The following RIMS2 variants were observed in gnomAD, a reference collection of about 807,000 sequenced individuals.
RIMS2 encodes regulating synaptic membrane exocytosis protein 2.
RIMS2 carries 59 observed loss-of-function variants against 174.4 expected under a neutral mutation model. The ratio of observed to expected loss-of-function variants is 0.34; its 90% CI spans 0.27 to 0.42. RIMS2 has a LOEUF of 0.42. Ranked by LOEUF, RIMS2 falls within the 10% of genes least tolerant of loss-of-function variation. The probability of loss-of-function intolerance (pLI) is 1.00; values close to 1 mark genes in which losing one functional copy is unlikely to be tolerated. For synonymous variants in RIMS2, 606 were observed against 572.5 expected (o/e 1.06, Z -0.84); for missense variants, 1,620 against 1,666.3 (o/e 0.97, Z 0.48).
At chr8:103,680,043 T>A (rs1272919871) in intron 1 of RIMS2, among the ~76,000 whole-genome samples, 1 of 152,054 alleles carries the variant, frequency 6.6e-6, no homozygotes, top group Non-Finnish European at 1.5e-5. Flanking sequence ...TGTCTGGTGC[T>A]TTACAGAAAA....
At chr8:103,865,353 C>T (rs1594125013) in intron 3 of RIMS2, among the ~76,000 whole-genome samples, 1 of 139,068 alleles carries the variant, frequency 7.2e-6, no homozygotes, top group Non-Finnish European at 1.5e-5. Flanking sequence ...GGCATGATCT[C>T]GGATCACTGC....
chr8:104,140,644 T>G (rs77103243), intron 19 of RIMS2, among the ~76,000 whole-genome samples: 3,016 of 152,266 alleles, frequency 0.02, 140 homozygotes, highest in East Asian at 0.15. Context: ...AAAAATGTAT[T>G]CTTCCTTTTT....
chr8:103,549,212 G>A (rs928582244), intron 1 of RIMS2, among the ~76,000 whole-genome samples: 1 of 152,040 alleles, frequency 6.6e-6, no homozygotes, highest in Non-Finnish European at 1.5e-5. Flanking sequence ...ATTAAGGGCA[G>A]CCAGAGAGAA....
chr8:104,130,112 G>A (rs971408267), intron 19 of RIMS2, among the ~76,000 whole-genome samples: 4 of 152,046 alleles, frequency 2.6e-5, no homozygotes, highest in African/African-American at 7.3e-5. Context: ...TAAGTGCCAC[G>A]TATCAGGTAG....
intron 19 of RIMS2, among the ~76,000 whole-genome samples, chr8:104,134,282 T>A (rs1186368156): frequency 6.6e-6 from 1 of 152,072 alleles, no homozygotes; most frequent in East Asian, 1.9e-4. Context: ...TTGACCAGCA[T>A]GGTGAGATCT....
At chr8:104,034,667 A>G (rs940173837) in intron 19 of RIMS2, among the ~76,000 whole-genome samples, 10 of 151,646 alleles carry the variant, frequency 6.6e-5, no homozygotes, top group Non-Finnish European at 1.2e-4. Context: ...ACGGGGTTTC[A>G]CCATGTTGGC....
intron 13 of RIMS2, 88 bp from the exon 16 acceptor site, chr8:103,942,685 A>G: frequency 1.1e-6 from 1 of 932,148 alleles, no homozygotes; most frequent in Non-Finnish European, 1.6e-6. Flanking sequence ...TACTATTATA[A>G]TTATTACTAC....
chr8:103,841,950 G>T (rs778465266), intron 3 of RIMS2, among the ~76,000 whole-genome samples: 1 of 149,916 alleles, frequency 6.7e-6, no homozygotes, highest in Non-Finnish European at 1.5e-5. Flanking sequence ...GCGAGACTCC[G>T]TCTCAAAAAG....
intron 2 of RIMS2, among the ~76,000 whole-genome samples, chr8:103,749,979 G>C (rs10105760): frequency 0.23 from 34,983 of 151,814 alleles, 4,359 homozygotes; most frequent in Non-Finnish European, 0.25. Flanking sequence ...TTCAGAATTG[G>C]GTTCTAAGCT....
chr8:104,104,708 C>A (rs2098000051), intron 19 of RIMS2, among the ~76,000 whole-genome samples: 1 of 151,922 alleles, frequency 6.6e-6, no homozygotes, highest in African/African-American at 2.4e-5. Context: ...GAATTTGAGA[C>A]CAGCCTCTTC....
intron 1 of RIMS2, among the ~76,000 whole-genome samples, chr8:103,503,855 T>C (rs2130842980): frequency 6.6e-6 from 1 of 152,146 alleles, no homozygotes; most frequent in African/African-American, 2.4e-5. Flanking sequence ...ATATTTTTAA[T>C]AAGAGAACTG....
chr8:103,738,624 A>G (rs1248883538), intron 2 of RIMS2, among the ~76,000 whole-genome samples: 1 of 152,216 alleles, frequency 6.6e-6, no homozygotes, highest in Admixed American at 6.5e-5. Flanking sequence ...AATTTTTGCA[A>G]TCTACTCATC....
chr8:103,583,754 A>G (rs2093746771), intron 1 of RIMS2, among the ~76,000 whole-genome samples: 1 of 152,208 alleles, frequency 6.6e-6, no homozygotes, highest in Non-Finnish European at 1.5e-5. Context: ...CAAACAATCA[A>G]GCATACTTAT....
chr8:103,606,895 C>T, intron 1 of RIMS2, among the ~76,000 whole-genome samples: 1 of 151,660 alleles, frequency 6.6e-6, no homozygotes, highest in East Asian at 1.9e-4. Flanking sequence ...CTATGTGTGT[C>T]TCTGCACGTG....
intron 1 of RIMS2, among the ~76,000 whole-genome samples, chr8:103,621,881 G>T (rs2095643407): frequency 6.6e-6 from 1 of 152,048 alleles, no homozygotes; most frequent in Non-Finnish European, 1.5e-5. Context: ...ATTCTCTATT[G>T]TTTCTAAGTA....
intron 1 of RIMS2, among the ~76,000 whole-genome samples, chr8:103,576,109 G>C (rs1266530289): frequency 6.6e-6 from 1 of 152,162 alleles, no homozygotes; most frequent in Non-Finnish European, 1.5e-5. Flanking sequence ...CCATGCTGTA[G>C]AAGGTTTGTT....
intron 8 of RIMS2, among the ~76,000 whole-genome samples, chr8:103,917,319 T>C (rs374143653): frequency 4.6e-5 from 7 of 152,208 alleles, no homozygotes. Context: ...GTATTATTTT[T>C]ATCTCTTTTT....
intron 19 of RIMS2, among the ~76,000 whole-genome samples, chr8:104,143,467 T>A (rs1465547266): frequency 6.6e-6 from 1 of 152,146 alleles, no homozygotes; most frequent in African/African-American, 2.4e-5. Flanking sequence ...TACTGCCAAC[T>A]GGTGTGATGA....
chr8:103,894,702 C>T (rs1195154897), intron 4 of RIMS2, among the ~76,000 whole-genome samples: 1 of 151,332 alleles, frequency 6.6e-6, no homozygotes, highest in Non-Finnish European at 1.5e-5. Context: ...ATGTATAGGT[C>T]TATATTTCAA....
Sources: allele counts gnomAD v4.1 joint callset (sites outside exome capture counted in the v4.1 genomes callset), GRCh38; gene constraint gnomAD v4.1.1; transcripts MANE v1.5; gene names NCBI Gene and HGNC (gene_info 2026-07-23, HGNC 2026-07-21).